PCBP3: variants seen among roughly 807,000 people sequenced by gnomAD.
PCBP3 encodes poly(rC)-binding protein 3.
In PCBP3, 25 loss-of-function variants were observed where a neutral mutation model predicts 52.7. The observed-to-expected ratio is 0.47, with a 90% CI of 0.35 to 0.66. The LOEUF (loss-of-function observed/expected upper bound fraction) is 0.66. PCBP3 is among the 30% of genes least tolerant of loss of function. The pLI, the probability that PCBP3 is intolerant of heterozygous loss-of-function variation, is 0.01. For missense variants in PCBP3, 391 were observed against 490.3 expected (o/e 0.80, Z 1.91); for synonymous variants, 162 against 183.0 (o/e 0.89, Z 0.93).
intron 15 of PCBP3, among the ~76,000 whole-genome samples, chr21:45,931,324 G>A (rs1242918937): frequency 6.6e-6 from 1 of 152,248 alleles, no homozygotes; most frequent in African/African-American, 2.4e-5. Context: ...CCGTGAAGAA[G>A]ATGCCACACA....
chr21:45,656,813 C>T lies in PCBP3; in HGVS notation c.-278-12061C>T, dbSNP rs912188523. On this transcript the variant is annotated intron_variant, in intron 1 of 17. Coordinates refer to ENST00000681687, the MANE Select transcript of PCBP3 (RefSeq NM_001384156.1). This position sits in a 1 kb window ranked among gnomAD's most constrained non-coding sequence, Gnocchi z 4.3. The stretch of plus-strand genomic sequence containing the variant: ...TATTTTCCCTCCAACTGTGAGTAGT[C>T]TTTTCATTTTCTTTTCTTTCTTTCT... 6.6e-6 allele frequency among the ~76,000 whole-genome samples: 1 copy of T among 151,872 alleles called. No individual in the cohort carries two copies. Among genetic ancestry groups the T allele is most frequent in the African/African-American group, 2.4e-5 (1 of 41,350 alleles).
chr21:45,863,039 A>C (rs1418834432), intron 5 of PCBP3, among the ~76,000 whole-genome samples: 1 of 152,138 alleles, frequency 6.6e-6, no homozygotes, highest in East Asian at 1.9e-4. Context: ...TACCTGGGGC[A>C]CAGCTGGCAT....
intron 2 of PCBP3, among the ~76,000 whole-genome samples, chr21:45,696,082 A>AG (rs2147879195): frequency 9.3e-6 from 1 of 107,144 alleles, no homozygotes; most frequent in South Asian, 3.1e-4. Context: ...TCTGTCTCAA[A>AG]AAAAAAAAAA....
At chr21:45,867,005 A>G (rs1410052273) in intron 5 of PCBP3, among the ~76,000 whole-genome samples, 2 of 152,358 alleles carry the variant, frequency 1.3e-5, no homozygotes, top group South Asian at 4.1e-4. Context: ...AAACAGTGGT[A>G]TTTAAATTAA....
At chr21:45,694,269 C>T (rs2082643565) in intron 2 of PCBP3, among the ~76,000 whole-genome samples, 1 of 152,190 alleles carries the variant, frequency 6.6e-6, no homozygotes, top group South Asian at 2.1e-4. Flanking sequence ...ATAGATTAAA[C>T]ACTCCAATTA....
chr21:45,847,438 G>A (rs1015361158), intron 4 of PCBP3, among the ~76,000 whole-genome samples: 1 of 152,112 alleles, frequency 6.6e-6, no homozygotes, highest in African/African-American at 2.4e-5. Context: ...CAACAGATTT[G>A]TTATTTTTGT....
Position 45,725,804 on chromosome 21 carries a change from G to C in PCBP3, c.-199-9588G>C, listed in dbSNP as rs75564491. 2.2e-4 allele frequency among the ~76,000 whole-genome samples: 34 copies of C among 152,122 alleles called. 1 individual carries two copies. The highest frequency in any genetic ancestry group is 2.0e-3 in the Admixed American group (30 of 15,296). On this transcript the variant is annotated intron_variant, in intron 2 of 17. Coordinates refer to ENST00000681687, the MANE Select transcript of PCBP3 (RefSeq NM_001384156.1). ...AGGAGGTGTTGGAACTGGGTGGCAG[G>C]GGGGAGCCAGGCATGTGTCTAGGCA...
intron 16 of PCBP3, among the ~76,000 whole-genome samples, chr21:45,938,806 G>A (rs573677415): frequency 6.6e-6 from 1 of 152,318 alleles, no homozygotes; most frequent in African/African-American, 2.4e-5. Flanking sequence ...CTTGTAACCA[G>A]CAGAGATGGC....
At chr21:45,685,386 G>T (rs2082089943) in intron 2 of PCBP3, among the ~76,000 whole-genome samples, 1 of 152,090 alleles carries the variant, frequency 6.6e-6, no homozygotes, top group Non-Finnish European at 1.5e-5. Context: ...ACTTGAAAAT[G>T]GTTAAGATGG....
At chr21:45,743,408 G>A (rs955071896) in intron 3 of PCBP3, among the ~76,000 whole-genome samples, 2 of 152,144 alleles carry the variant, frequency 1.3e-5, no homozygotes, top group East Asian at 3.8e-4. Flanking sequence ...TATTTATTAA[G>A]TTACGTGTTT....
At chr21:45,921,452 A>G (rs1212370127) in intron 13 of PCBP3, among the ~76,000 whole-genome samples, 2 of 152,156 alleles carry the variant, frequency 1.3e-5, no homozygotes, top group Non-Finnish European at 2.9e-5. Context: ...TAAAATATGC[A>G]TGTGTTTTCT....
chr21:45,876,178 G>A lies in PCBP3; in HGVS notation c.11-20030G>A, dbSNP rs367880789. On this transcript the variant is annotated intron_variant, in intron 5 of 17. Coordinates refer to ENST00000681687, the MANE Select transcript of PCBP3 (RefSeq NM_001384156.1). ...CCTGCCCTTAGGCAGGCGAGTCCACGTGCATCCATCACAGCCAGGACAGTG... is the reference window on the plus strand; with the variant it reads ...CCTGCCCTTAGGCAGGCGAGTCCACATGCATCCATCACAGCCAGGACAGTG... 7.2e-5 allele frequency among the ~76,000 whole-genome samples: 11 copies of A among 152,350 alleles called. No individual in the cohort carries two copies. In the East Asian group the frequency reaches 1.7e-3, roughly 24 times the overall value.
chr21:45,881,063 C>T (rs975496544), intron 5 of PCBP3, among the ~76,000 whole-genome samples: 1 of 152,154 alleles, frequency 6.6e-6, no homozygotes, highest in Non-Finnish European at 1.5e-5. Context: ...TCCTGGCTGG[C>T]CTTCATCAAG....
chr21:45,811,622 C>T (rs2092689182), intron 4 of PCBP3, among the ~76,000 whole-genome samples: 1 of 152,254 alleles, frequency 6.6e-6, no homozygotes, highest in South Asian at 2.1e-4. Context: ...ATTTCCCTTT[C>T]TACCTGCTAA....
At chr21:45,899,725 TC>T in intron 7 of PCBP3, 103 bp downstream of exon 7, 1 of 809,614 alleles carries the variant, frequency 1.2e-6, no homozygotes, top group Non-Finnish European at 2.1e-6. Context: ...GGTGCGCCTT[TC>T]CCAGTTGGTG....
intron 4 of PCBP3, among the ~76,000 whole-genome samples, chr21:45,769,631 C>T (rs1169993731): frequency 1.3e-5 from 2 of 152,330 alleles, no homozygotes; most frequent in African/African-American, 4.8e-5. Flanking sequence ...TCTGGGTTGG[C>T]GTGCAGGCCA....
intron 5 of PCBP3, among the ~76,000 whole-genome samples, chr21:45,863,087 T>G (rs1209762955): frequency 1.3e-5 from 2 of 152,202 alleles, no homozygotes; most frequent in African/African-American, 4.8e-5. Context: ...TCCACTCAGC[T>G]TTGCATGGGT....
At chr21:45,767,808 C>T (rs1603409146) in intron 4 of PCBP3, among the ~76,000 whole-genome samples, 1 of 152,250 alleles carries the variant, frequency 6.6e-6, no homozygotes. Flanking sequence ...CCCCAGGCCC[C>T]TGCAGGTGGT....
rs1028759365 is a variant in PCBP3, at chr21:45,737,959, C to G, written c.-162+2530C>G. On this transcript the variant is annotated intron_variant, in intron 3 of 17. Transcript: ENST00000681687. The surrounding 1 kb of genome is among the most constrained non-coding windows in gnomAD (Gnocchi z 4.9). ...TTCCATTCCCATGTCTTGGAGGACTCTTCCCCCTTCCTGAGAGAGAGCGAT... is the reference window on the plus strand; with the variant it reads ...TTCCATTCCCATGTCTTGGAGGACTGTTCCCCCTTCCTGAGAGAGAGCGAT... 4.6e-5 allele frequency among the ~76,000 whole-genome samples: 7 copies of G among 152,300 alleles called. 1 individual carries two copies. Among genetic ancestry groups the G allele is most frequent in the African/African-American group, 7.2e-5 (3 of 41,562 alleles).
Sources: gnomAD v4.1 joint callset for allele counts (sites outside exome capture counted in the v4.1 genomes callset) on GRCh38, gnomAD v4.1.1 for gene constraint, Gnocchi (gnomAD v3.1) non-coding constraint, MANE v1.5 for transcripts, NCBI Gene and HGNC (gene_info 2026-07-23, HGNC 2026-07-21) for gene names.